ZBTB20: variants seen among roughly 807,000 people sequenced by gnomAD.
The protein encoded by ZBTB20 is zinc finger and BTB domain-containing protein 20.
In ZBTB20, 9 loss-of-function variants were observed where a neutral mutation model predicts 56.9. That is an observed-to-expected ratio of 0.16 (90% CI 0.10 to 0.28). The LOEUF is 0.28. ZBTB20 is among the 10% of genes least tolerant of loss of function. ZBTB20 has a pLI of 1.00. For synonymous variants in ZBTB20, 417 were observed against 420.7 expected (o/e 0.99, Z 0.11); for missense variants, 655 against 1,003.0 (o/e 0.65, Z 4.69).
chr3:114,367,814 G>A (rs2082580589), intron 10 of ZBTB20, among the ~76,000 whole-genome samples: 2 of 152,016 alleles, frequency 1.3e-5, no homozygotes, highest in African/African-American at 4.8e-5. Context: ...AATAAAAGAA[G>A]GCAAAGAGAT....
intron 5 of ZBTB20, among the ~76,000 whole-genome samples, chr3:114,776,822 C>T (rs2069639274): frequency 6.6e-6 from 1 of 152,116 alleles, no homozygotes; most frequent in African/African-American, 2.4e-5. Flanking sequence ...TAATCTACAG[C>T]AAGTAGGGAA....
chr3:114,844,889 G>T, intron 4 of ZBTB20, among the ~76,000 whole-genome samples: 1 of 123,962 alleles, frequency 8.1e-6, no homozygotes. Flanking sequence ...TGAAGTGCCT[G>T]ATCAAATCTT....
chr3:114,426,337 C>CAAAA (rs60778829), intron 7 of ZBTB20, among the ~76,000 whole-genome samples: 4 of 109,516 alleles, frequency 3.7e-5, no homozygotes, highest in African/African-American at 1.3e-4. Context: ...GACTCCATCT[C>CAAAA]AAAAAAAAAA....
At chr3:114,979,514 C>T (rs1306507287) in intron 2 of ZBTB20, among the ~76,000 whole-genome samples, 1 of 151,948 alleles carries the variant, frequency 6.6e-6, no homozygotes, top group Non-Finnish European at 1.5e-5. Flanking sequence ...TTAATTGTTT[C>T]AATGGACATT....
intron 2 of ZBTB20, among the ~76,000 whole-genome samples, chr3:114,990,547 G>T (rs960734152): frequency 1.3e-5 from 2 of 152,176 alleles, no homozygotes; most frequent in Admixed American, 6.5e-5. Context: ...TTTCATCAGG[G>T]ATATTGGTCT....
chr3:115,064,934 T>G (rs529246594), intron 2 of ZBTB20, among the ~76,000 whole-genome samples: 1 of 152,294 alleles, frequency 6.6e-6, no homozygotes, highest in African/African-American at 2.4e-5. Context: ...GTGGAATTGC[T>G]TTCACATTTT....
intron 3 of ZBTB20, among the ~76,000 whole-genome samples, chr3:114,926,072 C>T (rs891202010): frequency 2.6e-5 from 4 of 152,198 alleles, no homozygotes; most frequent in African/African-American, 9.7e-5. Flanking sequence ...AGAATTTATA[C>T]ACACAATATC....
At chr3:115,119,680 AT>A (rs764473094) in intron 1 of ZBTB20, among the ~76,000 whole-genome samples, 55 of 152,136 alleles carry the variant, frequency 3.6e-4, no homozygotes, top group Non-Finnish European at 6.5e-4. Context: ...GTTTATTTCT[AT>A]TTTATCTAAA....
rs562336972 is a variant in ZBTB20, at chr3:114,402,832, G to A, written c.-254-13727C>T. On this transcript the variant is annotated intron_variant, in intron 7 of 11. Transcript: ENST00000675478. ...ATGGTTCTGACTTCTGGAAGGGCAG[G>A]AGGTTTGCCTCTTCTCTTTGCCTCA... Among the ~76,000 whole-genome samples the A allele has an allele frequency of 1.3e-5, 2 of 152,232 alleles. 1 individual carries two copies. Among genetic ancestry groups the A allele is most frequent in the African/African-American group, 4.8e-5 (2 of 41,546 alleles).
intron 4 of ZBTB20, among the ~76,000 whole-genome samples, chr3:114,806,783 A>G (rs1030641265): frequency 6.6e-6 from 1 of 152,024 alleles, no homozygotes; most frequent in African/African-American, 2.4e-5. Flanking sequence ...AAGAACTAAA[A>G]TATGTTTTTT....
At chr3:115,092,542 T>C (rs947626419) in intron 1 of ZBTB20, among the ~76,000 whole-genome samples, 2 of 152,216 alleles carry the variant, frequency 1.3e-5, no homozygotes, top group Middle Eastern at 3.4e-3. Flanking sequence ...TTCTCCAAAA[T>C]GTCATGTGTG....
intron 4 of ZBTB20, among the ~76,000 whole-genome samples, chr3:114,889,157 C>T (rs1189998916): frequency 2.0e-5 from 3 of 151,766 alleles, no homozygotes; most frequent in Non-Finnish European, 1.5e-5. Flanking sequence ...GCACAGAAAT[C>T]CTTTCGTTTA....
chr3:114,823,991 T>C (rs187549681), intron 4 of ZBTB20, among the ~76,000 whole-genome samples: 48 of 152,134 alleles, frequency 3.2e-4, no homozygotes, highest in Non-Finnish European at 4.9e-4. Flanking sequence ...AATTTTAAAA[T>C]AAGCCCACTT....
At chr3:114,444,310 A>C (rs1031317471) in intron 7 of ZBTB20, among the ~76,000 whole-genome samples, 1 of 152,120 alleles carries the variant, frequency 6.6e-6, no homozygotes, top group African/African-American at 2.4e-5. Context: ...AAGGCTATGG[A>C]GGTCTGGGCA....
At chr3:114,821,206 C>A (rs1309522300) in intron 4 of ZBTB20, among the ~76,000 whole-genome samples, 1 of 152,078 alleles carries the variant, frequency 6.6e-6, no homozygotes, top group Non-Finnish European at 1.5e-5. Context: ...AGGCACACCC[C>A]CTCCAAACGT....
chr3:115,013,220 G>C (rs2079796021), intron 2 of ZBTB20, among the ~76,000 whole-genome samples: 1 of 151,364 alleles, frequency 6.6e-6, no homozygotes, highest in African/African-American at 2.4e-5. Flanking sequence ...AAAGATTAGA[G>C]ATAAATGAGT....
At chr3:114,709,816 A>T (rs1257274631) in intron 5 of ZBTB20, among the ~76,000 whole-genome samples, 2 of 152,166 alleles carry the variant, frequency 1.3e-5, no homozygotes, top group Non-Finnish European at 2.9e-5. Flanking sequence ...AACTTCACAA[A>T]CATATACACT....
chr3:114,407,083 G>A (rs2087407417), intron 7 of ZBTB20, among the ~76,000 whole-genome samples: 2 of 152,130 alleles, frequency 1.3e-5, no homozygotes, highest in Non-Finnish European at 2.9e-5. Context: ...CTGAGCTATA[G>A]CCCACTAGCC....
chr3:114,748,679 T>G (rs543115664), intron 5 of ZBTB20, among the ~76,000 whole-genome samples: 2 of 152,152 alleles, frequency 1.3e-5, no homozygotes, highest in Non-Finnish European at 2.9e-5. Flanking sequence ...AAATGAAGAT[T>G]ACTGGTTTGA....
Sources: gnomAD v4.1 joint callset for allele counts (sites outside exome capture counted in the v4.1 genomes callset) on GRCh38, gnomAD v4.1.1 for gene constraint, MANE v1.5 for transcripts, NCBI Gene and HGNC (gene_info 2026-07-23, HGNC 2026-07-21) for gene names.